The following CD84 variants were observed in gnomAD, a reference collection of about 807,000 sequenced individuals.
CD84 encodes CD84 molecule.
CD84 carries 22 observed loss-of-function variants against 33.8 expected under a neutral mutation model. The observed-to-expected ratio is 0.65, with a 90% confidence interval of 0.46 to 0.93. CD84 has a LOEUF of 0.93. Ranked by LOEUF, CD84 falls within the 40% of genes least tolerant of loss-of-function variation. CD84 has a pLI of 0.00. For synonymous variants in CD84, 154 were observed against 145.2 expected, an observed-to-expected ratio of 1.06 and a Z score of -0.44; for missense variants, 400 against 397.6, an observed-to-expected ratio of 1.01 and a Z score of -0.05.
At chr1:160,550,630 T>C (rs990061201) in intron 5 of CD84, 1 of 985,254 alleles carries the variant, frequency 1.0e-6, no homozygotes, top group East Asian at 1.1e-4. Flanking sequence ...GTAGCTCCTC[T>C]GTTGTGTGGC....
intron 2 of CD84, among the ~76,000 whole-genome samples, chr1:160,557,118 A>G (rs1364404202): frequency 1.3e-5 from 2 of 152,180 alleles, no homozygotes; most frequent in Non-Finnish European, 2.9e-5. Flanking sequence ...AACTACCATT[A>G]TCTCATTTAA....
intron 2 of CD84, among the ~76,000 whole-genome samples, chr1:160,557,947 C>T (rs939519948): frequency 6.6e-6 from 1 of 152,176 alleles, no homozygotes; most frequent in Non-Finnish European, 1.5e-5. Flanking sequence ...TTCAGCCACT[C>T]TAGCCAGGGT....
At position 160,570,594 on chromosome 1, in the gene CD84, C is replaced by T. The variant is rs546963716; in HGVS notation, c.47-4849G>A. The stretch of plus-strand genomic sequence containing the variant: ...GAAGAGTGGGAACCTGGCATGGTGG[C>T]TCACATCTGTAATCCCAACACTTTG... On this transcript the variant is annotated intron_variant, in intron 1 of 6. Coordinates refer to ENST00000368054, the MANE Select transcript of CD84 (RefSeq NM_003874.4). Among the ~76,000 whole-genome samples the T allele has an allele frequency of 2.0e-5, 3 of 152,308 alleles. No individual in the cohort carries two copies. In the South Asian group the frequency reaches 6.2e-4, roughly 32 times the overall value.
At chr1:160,575,945 T>C (rs1571392423) in intron 1 of CD84, among the ~76,000 whole-genome samples, 2 of 152,260 alleles carry the variant, frequency 1.3e-5, no homozygotes, top group East Asian at 3.9e-4. Flanking sequence ...GGGAACAGCT[T>C]TCCACCCTCT....
chr1:160,554,271 T>G, intron 2 of CD84, 125 bp from the exon 3 acceptor site: 2 of 977,066 alleles, frequency 2.0e-6, no homozygotes, highest in Non-Finnish European at 2.7e-6. Flanking sequence ...AAAAACATAA[T>G]TAAATAAATT....
At chr1:160,556,046 T>G (rs1656588087) in intron 2 of CD84, among the ~76,000 whole-genome samples, 1 of 152,098 alleles carries the variant, frequency 6.6e-6, no homozygotes. Context: ...CAAAATTTTG[T>G]GTGTGTGCGT....
chr1:160,554,243 C>T (rs1193007194), intron 2 of CD84, 97 bp from the exon 3 acceptor site: 1 of 1,206,494 alleles, frequency 8.3e-7, no homozygotes, highest in Non-Finnish European at 1.1e-6. Flanking sequence ...TGCAAGCCAT[C>T]ATTAAAAATT....
rs1655903611 is a variant in CD84, at chr1:160,547,578, G to C, written c.*678C>G. ...CTCTGACAGAGACCCACACAGCACT[G>C]TCATCTGTGTTTGGACTTACTAAGC... On this transcript the variant is annotated 3_prime_UTR_variant, in exon 7 of 7. Transcript: ENST00000368054. The C allele has an allele frequency of 5.7e-6, 1 of 174,270 alleles. No homozygotes were observed. Among genetic ancestry groups the C allele is most frequent in the Admixed American group, 6.3e-5 (1 of 15,970 alleles). The allele number at this position is 174,270 out of a possible 1,614,324, so 10.8% of individuals were successfully genotyped here.
At chr1:160,553,711 T>C in intron 3 of CD84, 184 bp downstream of exon 3, 1 of 1,013,488 alleles carries the variant, frequency 9.9e-7, no homozygotes, top group South Asian at 1.7e-5. Context: ...CCCAGAAATG[T>C]CTAGCATCTC....
chr1:160,565,365 A>G lies in CD84; in HGVS notation c.388+39T>C, dbSNP rs200517127. On this transcript the variant is annotated intron_variant, in intron 2 of 6. Coordinates refer to ENST00000368054, the MANE Select transcript of CD84 (RefSeq NM_003874.4). ...GTTTCAGATAGCAAACTTGCAAAGT[A>G]AAAATAAAACACAAGCTCTCCGTCT... is the stretch of plus-strand genomic sequence containing the variant. 4.0e-4 allele frequency: 604 copies of G among 1,495,130 alleles called. 4 individuals are homozygous for G. The highest frequency in any genetic ancestry group is 1.2e-3 in the Middle Eastern group (7 of 5,606). 92.6% of individuals were successfully genotyped at this position (1,495,130 alleles called of 1,614,324 possible). A position where few individuals can be genotyped will look rare whatever the true frequency, so the allele number is the denominator to read the frequency against.
chr1:160,567,277 C>A (rs554096660), intron 1 of CD84, among the ~76,000 whole-genome samples: 1 of 152,198 alleles, frequency 6.6e-6, no homozygotes, highest in Non-Finnish European at 1.5e-5. Context: ...AAAGCGATTT[C>A]TTAACCTGAT....
At chr1:160,573,543 T>C (rs1657817502) in intron 1 of CD84, among the ~76,000 whole-genome samples, 1 of 152,132 alleles carries the variant, frequency 6.6e-6, no homozygotes, top group Non-Finnish European at 1.5e-5. Flanking sequence ...GCACCTGTTG[T>C]TCTCCTCTTT....
In CD84 at chr1:160,547,294, A is replaced by G; in HGVS notation, c.*962T>C. 2.5e-6 allele frequency: 1 copy of G among 397,792 alleles called. No individual in the cohort carries two copies. Among genetic ancestry groups the G allele is most frequent in the Non-Finnish European group, 4.4e-6 (1 of 225,882 alleles). The allele number at this position is 397,792 out of a possible 1,614,324, so 24.6% of individuals were successfully genotyped here. On this transcript the variant is annotated 3_prime_UTR_variant, in exon 7 of 7. Coordinates refer to ENST00000368054, the MANE Select transcript of CD84 (RefSeq NM_003874.4). ...CAAGGTCTTCTATTTTGATGGTTGG[A>G]TTATACCCAGTTCCCCAGAAGTGTG...
intron 6 of CD84, 51 bp downstream of exon 6, chr1:160,549,866 A>C: frequency 7.3e-7 from 1 of 1,375,742 alleles, no homozygotes; most frequent in Non-Finnish European, 1.0e-6. Flanking sequence ...GGTGCACCAG[A>C]ATGGCTGGAA....
At position 160,551,650 on chromosome 1, in the gene CD84, C is replaced by G. The variant is rs905785127; in HGVS notation, c.761-615G>C. On this transcript the variant is annotated intron_variant, in intron 4 of 6. Coordinates refer to ENST00000368054, the MANE Select transcript of CD84 (RefSeq NM_003874.4). ...CCTCTATCTTCTGGACTCAAGTGAT[C>G]CTCCCACCTCAGCCTTCTGAGTAGC... 1.2e-4 allele frequency among the ~76,000 whole-genome samples: 19 copies of G among 152,288 alleles called. 1 individual carries two copies. Among genetic ancestry groups the G allele is most frequent in the African/African-American group, 4.6e-4 (19 of 41,572 alleles).
At chr1:160,577,770 A>G (rs1440610246) in intron 1 of CD84, among the ~76,000 whole-genome samples, 1 of 152,222 alleles carries the variant, frequency 6.6e-6, no homozygotes, top group Non-Finnish European at 1.5e-5. Context: ...CATTATCATC[A>G]TTTTGATTCT....
chr1:160,554,757 C>G (rs1656490570), intron 2 of CD84, among the ~76,000 whole-genome samples: 1 of 152,042 alleles, frequency 6.6e-6, no homozygotes, highest in Non-Finnish European at 1.5e-5. Context: ...AAAATATCAA[C>G]CGATGTTTGT....
Position 160,555,004 on chromosome 1 carries a change from TTA to T in CD84, c.389-860_389-859del, listed in dbSNP as rs546095274. Among the ~76,000 whole-genome samples, 8 of 151,020 alleles carry T rather than the reference TTA, an allele frequency of 5.3e-5. No homozygotes were observed. The South Asian group carries it at 6.2e-4, about 12-fold the overall frequency. ...ATAAAATTTGTACTAAACATAAATT[TTA>T]TATATATATATGAATACACACACCC... is the stretch of plus-strand genomic sequence containing the variant. On this transcript the variant is annotated intron_variant, in intron 2 of 6. Coordinates refer to ENST00000368054, the MANE Select transcript of CD84 (RefSeq NM_003874.4).
At position 160,549,127 on chromosome 1, in the gene CD84, T is replaced by C. The variant is rs771333760; in HGVS notation, c.921+790A>G. ...ATTTGGCTTATCTTTTCAAGCAAAC[T>C]GCCCTGTGCTTCAAGTCCTCCTTAA... is the stretch of plus-strand genomic sequence containing the variant. On this transcript the variant is annotated intron_variant, in intron 6 of 6. Transcript: ENST00000368054. Among the ~76,000 whole-genome samples the C allele has an allele frequency of 1.3e-5, 2 of 152,172 alleles. 1 individual carries two copies. Among genetic ancestry groups the C allele is most frequent in the Middle Eastern group, 6.3e-3 (2 of 316 alleles).
Sources: gnomAD v4.1 joint callset for allele counts (sites outside exome capture counted in the v4.1 genomes callset) on GRCh38, gnomAD v4.1.1 for gene constraint, MANE v1.5 for transcripts, NCBI Gene and HGNC (gene_info 2026-07-23, HGNC 2026-07-21) for gene names.